Variants in BST1 observed in about 807,000 individuals in gnomAD.
BST1 encodes ADP-ribosyl cyclase/cyclic ADP-ribose hydrolase 2.
A neutral mutation model predicts 40.6 loss-of-function variants in BST1; 49 were observed. The observed-to-expected ratio is 1.21, with a 90% CI of 0.96 to 1.53. BST1 has a LOEUF of 1.53. Among genes scored for constraint, BST1 ranks in the 40% most tolerant of loss-of-function variants. The pLI, the probability that BST1 is intolerant of heterozygous loss-of-function variation, is 0.00. For missense variants in BST1, 423 were observed against 395.9 expected (o/e 1.07, Z -0.58); for synonymous variants, 157 against 159.3 (o/e 0.99, Z 0.11).
At chr4:15,725,369 G>A (rs376848479) in intron 8 of BST1, among the ~76,000 whole-genome samples, 4 of 152,116 alleles carry the variant, frequency 2.6e-5, no homozygotes, top group Non-Finnish European at 5.9e-5. Context: ...CCCAGGGTTC[G>A]GTGATGGATT....
downstream of BST1, among the ~76,000 whole-genome samples, chr4:15,733,562 C>T (rs1721461513): frequency 6.6e-6 from 1 of 152,262 alleles, no homozygotes; most frequent in African/African-American, 2.4e-5. Flanking sequence ...CTGGCTTCAC[C>T]TCTCTGTTCC....
chr4:15,762,790 A>G, the BST1 span, among the ~76,000 whole-genome samples: 3 of 152,106 alleles, frequency 2.0e-5, no homozygotes, highest in East Asian at 5.8e-4. Context: ...TATAAGTGCA[A>G]TCATATAGTA....
At chr4:15,703,388 C>T in intron 1 of BST1, 56 bp downstream of exon 1, 1 of 1,471,672 alleles carries the variant, frequency 6.8e-7, no homozygotes. Context: ...GTGGGGAGGG[C>T]CTGGGGAGGG....
At chr4:15,753,207 A>C in the BST1 span, among the ~76,000 whole-genome samples, 5 of 152,306 alleles carry the variant, frequency 3.3e-5, no homozygotes, top group East Asian at 9.6e-4. Flanking sequence ...AGCACGCTGC[A>C]TTCTTCTTCT....
At chr4:15,735,573 CG>C (rs1287770977), downstream of BST1, among the ~76,000 whole-genome samples, 1 of 151,958 alleles carries the variant, frequency 6.6e-6, no homozygotes, top group Admixed American at 6.5e-5. Flanking sequence ...TGAGGGGAGC[CG>C]TGAGGGAAGA....
downstream of BST1, chr4:15,737,732 G>C (rs1439498854): frequency 8.1e-7 from 1 of 1,240,046 alleles, no homozygotes; most frequent in Non-Finnish European, 1.1e-6. Flanking sequence ...ACACTTGGCT[G>C]TATTCCCTCT....
the BST1 span, among the ~76,000 whole-genome samples, chr4:15,750,483 G>C: frequency 6.6e-6 from 1 of 152,204 alleles, no homozygotes; most frequent in South Asian, 2.1e-4. Flanking sequence ...GAACTAGAGA[G>C]AGGTTTATTA....
chr4:15,755,195 G>A, the BST1 span, among the ~76,000 whole-genome samples: 1 of 152,136 alleles, frequency 6.6e-6, no homozygotes, highest in African/African-American at 2.4e-5. Flanking sequence ...CTGGAGTGCA[G>A]TAGTGCAATC....
downstream of BST1, chr4:15,737,786 G>A (rs1470047065): frequency 5.4e-6 from 7 of 1,286,156 alleles, no homozygotes; most frequent in Non-Finnish European, 7.1e-6. Context: ...AACCTGAACA[G>A]GAAACTGTGG....
chr4:15,703,899 C>T (rs1194097774), intron 1 of BST1, among the ~76,000 whole-genome samples: 93 of 88,084 alleles, frequency 1.1e-3, no homozygotes, highest in Non-Finnish European at 1.6e-3. Flanking sequence ...GGTGTGTGTG[C>T]GTGCGCTCTA....
chr4:15,760,178 A>G, the BST1 span, among the ~76,000 whole-genome samples: 1 of 151,950 alleles, frequency 6.6e-6, no homozygotes, highest in African/African-American at 2.4e-5. Flanking sequence ...GTGGAATTAT[A>G]CAATATGTTA....
chr4:15,717,186 C>T (rs528872778), intron 6 of BST1, among the ~76,000 whole-genome samples: 23 of 152,220 alleles, frequency 1.5e-4, no homozygotes, highest in African/African-American at 5.1e-4. Context: ...AGCCTGGCCC[C>T]GAGTAAGGCA....
the BST1 span, among the ~76,000 whole-genome samples, chr4:15,758,497 G>A: frequency 6.6e-6 from 1 of 150,822 alleles, no homozygotes. Flanking sequence ...TAAATATGTG[G>A]AATACTATGC....
chr4:15,723,396 G>A (rs1356362560), intron 8 of BST1: 2 of 207,780 alleles, frequency 9.6e-6, no homozygotes, highest in Non-Finnish European at 1.7e-5. Context: ...ACAGGGGCCT[G>A]CCACCACGCC....
chr4:15,744,366 G>A, the BST1 span, among the ~76,000 whole-genome samples: 2 of 152,148 alleles, frequency 1.3e-5, no homozygotes, highest in Non-Finnish European at 2.9e-5. Context: ...GGGAAGCAAG[G>A]CACCTTCTTC....
At chr4:15,703,832 CTGTA>C (rs1466921409) in intron 1 of BST1, among the ~76,000 whole-genome samples, 4 of 88,914 alleles carry the variant, frequency 4.5e-5, no homozygotes, top group Non-Finnish European at 6.5e-5. Flanking sequence ...GGTGAGGTGT[CTGTA>C]TGTGTGTTCT....
At chr4:15,712,581 C>T (rs1001348933) in intron 4 of BST1, among the ~76,000 whole-genome samples, 6 of 152,158 alleles carry the variant, frequency 3.9e-5, no homozygotes, top group African/African-American at 9.7e-5. Flanking sequence ...CACCCACCAC[C>T]GCCAACCCCC....
chr4:15,745,144 A>G, the BST1 span, among the ~76,000 whole-genome samples: 5 of 152,346 alleles, frequency 3.3e-5, no homozygotes, highest in African/African-American at 1.2e-4. Context: ...ATAAATTCTG[A>G]TACCTAATAC....
rs2148882192 is a variant in BST1 at position 15,711,792 on chromosome 4, C to G, written c.452-15C>G. 6.3e-7 allele frequency: 1 copy of G among 1,592,132 alleles called. No homozygotes were observed. The highest frequency in any genetic ancestry group is 2.2e-5 in the East Asian group (1 of 44,720). On this transcript the variant is annotated splice_polypyrimidine_tract_variant and intron_variant, in intron 3 of 8. Coordinates refer to ENST00000265016, the MANE Select transcript of BST1 (RefSeq NM_004334.3). ...AATCTTTGGAATAAAATGTGTTTGT[C>G]TACTTACCCCTTAGGACTCGATTAC... is the stretch of plus-strand genomic sequence containing the variant.
Sources: allele counts gnomAD v4.1 joint callset (sites outside exome capture counted in the v4.1 genomes callset), GRCh38; gene constraint gnomAD v4.1.1; transcripts MANE v1.5; gene names NCBI Gene and HGNC (gene_info 2026-07-23, HGNC 2026-07-21).